The following FYB2 variants were observed in gnomAD, a reference collection of about 807,000 sequenced individuals.
FYB2 encodes FYN-binding protein 2.
A neutral mutation model predicts 94.1 loss-of-function variants in FYB2; 103 were observed. The observed-to-expected ratio is 1.09, with a 90% CI of 0.93 to 1.29. The LOEUF (loss-of-function observed/expected upper bound fraction) is 1.29, where lower values mean the gene tolerates loss of function less well. Among genes scored for constraint, FYB2 ranks in the 50% most tolerant of loss-of-function variants. The pLI is 0.00. For missense variants in FYB2, 896 were observed against 841.5 expected (o/e 1.06, Z -0.80); for synonymous variants, 293 against 287.9 (o/e 1.02, Z -0.18).
chr1:56,768,610 A>T (rs1371277533), intron 4 of FYB2, among the ~76,000 whole-genome samples: 1 of 152,194 alleles, frequency 6.6e-6, no homozygotes, highest in Admixed American at 6.5e-5. Flanking sequence ...ATTGAAATTC[A>T]AATCCCTCTT....
At chr1:56,743,802 T>C (rs1240535791) in intron 11 of FYB2, among the ~76,000 whole-genome samples, 1 of 152,060 alleles carries the variant, frequency 6.6e-6, no homozygotes, top group Non-Finnish European at 1.5e-5. Flanking sequence ...ACTTTTACCA[T>C]AAGAATGCTC....
intron 4 of FYB2, among the ~76,000 whole-genome samples, chr1:56,780,406 AGCCAT>A: frequency 6.6e-6 from 1 of 152,186 alleles, no homozygotes; most frequent in African/African-American, 2.4e-5. Context: ...GTGTAGAGCA[AGCCAT>A]GAGTCTATTA....
intron 1 of FYB2, among the ~76,000 whole-genome samples, chr1:56,795,996 C>T (rs750521387): frequency 5.3e-5 from 8 of 152,172 alleles, no homozygotes; most frequent in South Asian, 2.1e-4. Flanking sequence ...GTAATGTCAA[C>T]GAGAGACAGA....
chr1:56,787,318 T>C, intron 3 of FYB2, 110 bp from the exon 4 acceptor site: 1 of 1,374,452 alleles, frequency 7.3e-7, no homozygotes, highest in Non-Finnish European at 1.0e-6. Context: ...GAGTGGAAGC[T>C]TGCCTGTGCC....
intron 5 of FYB2, among the ~76,000 whole-genome samples, chr1:56,761,689 C>T (rs1306577959): frequency 6.6e-6 from 1 of 152,136 alleles, no homozygotes; most frequent in Admixed American, 6.6e-5. Context: ...AAGCACTAAA[C>T]AAGGATGGTC....
chr1:56,757,689 T>TCCTTCCTTCCTTCCTTCCTTC (rs1557616891), intron 6 of FYB2, among the ~76,000 whole-genome samples: 2 of 56,858 alleles, frequency 3.5e-5, no homozygotes, highest in Admixed American at 1.9e-4. Flanking sequence ...CTTCCTTCCT[T>TCCTTCCTTCCTTCCTTCCTTC]CTTTCTTTCT....
At chr1:56,761,641 A>G (rs1484542034) in intron 5 of FYB2, among the ~76,000 whole-genome samples, 1 of 152,152 alleles carries the variant, frequency 6.6e-6, no homozygotes, top group Non-Finnish European at 1.5e-5. Flanking sequence ...TTCTGTATAA[A>G]AGAGATGAAA....
the FYB2 span, among the ~76,000 whole-genome samples, chr1:56,826,062 C>T: frequency 6.6e-6 from 1 of 152,116 alleles, no homozygotes; most frequent in African/African-American, 2.4e-5. Context: ...CAGTGGGTGC[C>T]CGATGGTCAC....
chr1:56,725,388 T>G (rs1426341960), intron 16 of FYB2, among the ~76,000 whole-genome samples: 2 of 152,084 alleles, frequency 1.3e-5, no homozygotes, highest in East Asian at 3.9e-4. Context: ...ATAACTAGCC[T>G]TACAGTAATG....
At chr1:56,737,996 T>C (rs1246946162) in intron 14 of FYB2, among the ~76,000 whole-genome samples, 2 of 152,086 alleles carry the variant, frequency 1.3e-5, no homozygotes, top group East Asian at 3.9e-4. Flanking sequence ...TCGAGTGACA[T>C]CCAGGTAGCC....
At chr1:56,818,063 C>T (rs1418826415) in intron 1 of FYB2, among the ~76,000 whole-genome samples, 1 of 152,288 alleles carries the variant, frequency 6.6e-6, no homozygotes, top group East Asian at 1.9e-4. Flanking sequence ...CCTGGCCCAT[C>T]AGAGATGGGG....
intron 1 of FYB2, among the ~76,000 whole-genome samples, chr1:56,794,201 C>T (rs569946033): frequency 2.0e-4 from 30 of 152,238 alleles, no homozygotes; most frequent in Admixed American, 3.9e-4. Flanking sequence ...CCAATCTTTG[C>T]GGCAGAGGAA....
At chr1:56,823,939 A>G (rs986280752), upstream of FYB2, 1 of 152,190 alleles carries the variant, frequency 6.6e-6, no homozygotes, top group Non-Finnish European at 1.5e-5. Flanking sequence ...ATCTTTTCCA[A>G]TGTCAATCAC....
intron 15 of FYB2, among the ~76,000 whole-genome samples, chr1:56,732,206 G>C (rs1488086244): frequency 6.6e-6 from 1 of 151,978 alleles, no homozygotes; most frequent in Non-Finnish European, 1.5e-5. Context: ...CTGAAAATGA[G>C]ATCAAGAAGG....
At chr1:56,750,393 A>G (rs1249001659) in intron 9 of FYB2, among the ~76,000 whole-genome samples, 1 of 151,986 alleles carries the variant, frequency 6.6e-6, no homozygotes, top group African/African-American at 2.4e-5. Context: ...TTGAAGTGTC[A>G]ACTGAAAGGG....
At chr1:56,741,585 C>G (rs1384788675) in intron 12 of FYB2, among the ~76,000 whole-genome samples, 1 of 152,024 alleles carries the variant, frequency 6.6e-6, no homozygotes, top group East Asian at 1.9e-4. Flanking sequence ...TCTTTTTCCC[C>G]TTGAACCCTT....
At chr1:56,761,719 T>C (rs1011069679) in intron 5 of FYB2, among the ~76,000 whole-genome samples, 7 of 152,118 alleles carry the variant, frequency 4.6e-5, no homozygotes, top group African/African-American at 1.7e-4. Context: ...TTCTTGGCCT[T>C]GTTCAAGGGA....
chr1:56,740,712 G>A lies in FYB2; in HGVS notation c.1688C>T (p.Ser563Leu), dbSNP rs140787553. 198 of 1,598,484 alleles carry A rather than the reference G, an allele frequency of 1.2e-4. No individual in the cohort carries two copies. The highest frequency in any genetic ancestry group is 1.9e-4 in the African/African-American group (14 of 74,264). Residue 563 changes from serine (S) to leucine (L), a missense_variant, in exon 13 of 20, where the codon TCG (serine) becomes TTG (leucine). Coordinates refer to ENST00000343433, the MANE Select transcript of FYB2 (RefSeq NM_001004303.5). The stretch of plus-strand genomic sequence containing the variant: ...GACTTTTTACCTTAAGTTTTCTTTC[G>A]ACTTGGTTTTCTTTATTTTAAATCT... ...KDRFKIKKTK[S>L]KENLSAFSIL...
chr1:56,804,038 T>G (rs927798333), intron 1 of FYB2, among the ~76,000 whole-genome samples: 1 of 152,186 alleles, frequency 6.6e-6, no homozygotes, highest in Non-Finnish European at 1.5e-5. Context: ...ATTTTATAAA[T>G]AACCTTGAGT....
Sources: allele counts gnomAD v4.1 joint callset (sites outside exome capture counted in the v4.1 genomes callset), GRCh38; gene constraint gnomAD v4.1.1; transcripts MANE v1.5; gene names NCBI Gene and HGNC (gene_info 2026-07-23, HGNC 2026-07-21).